Variants in NIPBL observed in about 807,000 individuals in gnomAD.
NIPBL encodes the protein nipped-B-like protein.
A neutral mutation model predicts 321.8 loss-of-function variants in NIPBL; 19 were observed. The observed-to-expected ratio is 0.06, with a 90% CI of 0.04 to 0.09. The LOEUF is 0.09. NIPBL is among the 10% of genes least tolerant of loss of function. NIPBL has a pLI of 1.00. For missense variants in NIPBL, 2,210 were observed against 3,327.0 expected (o/e 0.66, Z 8.26); for synonymous variants, 1,106 against 1,114.1 (o/e 0.99, Z 0.14).
At chr5:36,928,827 CAT>C (rs917177923) in intron 1 of NIPBL, among the ~76,000 whole-genome samples, 3 of 152,158 alleles carry the variant, frequency 2.0e-5, no homozygotes, top group African/African-American at 4.8e-5. Flanking sequence ...TCATTTATGA[CAT>C]AACGTATCAG....
chr5:36,900,690 TG>T (rs1188026383), intron 1 of NIPBL, among the ~76,000 whole-genome samples: 2 of 152,144 alleles, frequency 1.3e-5, no homozygotes, highest in South Asian at 2.1e-4. Context: ...TGTTTTGTTT[TG>T]TTTTTTTAAT....
chr5:37,009,314 A>C (rs1354967439), intron 20 of NIPBL, among the ~76,000 whole-genome samples: 1 of 152,214 alleles, frequency 6.6e-6, no homozygotes, highest in Non-Finnish European at 1.5e-5. Context: ...TTAATCACTA[A>C]GCACACTGTT....
Position 37,002,546 on chromosome 5 carries a change from T to C in NIPBL, c.3665-116T>C, listed in dbSNP as rs542386259. The stretch of plus-strand genomic sequence containing the variant: ...CTTGAGGTTTATATATAGAGGCGTC[T>C]TAGGTTATTTGTTTAGTTTGCATGT... On this transcript the variant is annotated intron_variant, in intron 14 of 46. Transcript: ENST00000282516. 5 of 724,420 alleles carry C rather than the reference T, an allele frequency of 6.9e-6. No individual in the cohort carries two copies. The African/African-American group carries it at 8.7e-5, about 13-fold the overall frequency. 44.9% of individuals were successfully genotyped at this position (724,420 alleles called of 1,614,324 possible).
At chr5:36,899,163 C>G (rs1164681237) in intron 1 of NIPBL, among the ~76,000 whole-genome samples, 1 of 151,982 alleles carries the variant, frequency 6.6e-6, no homozygotes, top group Non-Finnish European at 1.5e-5. Flanking sequence ...AGTTTTGGGT[C>G]CAGAAGCAAA....
intron 10 of NIPBL, among the ~76,000 whole-genome samples, chr5:36,987,633 C>G (rs1180515883): frequency 1.3e-5 from 2 of 151,508 alleles, no homozygotes; most frequent in Non-Finnish European, 1.5e-5. Context: ...CGTCAACATT[C>G]ATTTTTTCAC....
intron 1 of NIPBL, among the ~76,000 whole-genome samples, chr5:36,949,287 G>A (rs1404261378): frequency 5.9e-5 from 9 of 151,912 alleles, no homozygotes. Flanking sequence ...TACATTGATT[G>A]TGTATGCATA....
chr5:36,982,000 T>C (rs1744203761), intron 9 of NIPBL, among the ~76,000 whole-genome samples: 1 of 151,804 alleles, frequency 6.6e-6, no homozygotes, highest in Non-Finnish European at 1.5e-5. Flanking sequence ...GTGTTTTCAT[T>C]TATCACTTGT....
intron 42 of NIPBL, among the ~76,000 whole-genome samples, chr5:37,056,652 G>T (rs1754121102): frequency 6.6e-6 from 1 of 152,066 alleles, no homozygotes; most frequent in Non-Finnish European, 1.5e-5. Flanking sequence ...TTTAACCTAT[G>T]TATTAGTACT....
At chr5:36,908,742 G>T (rs148871246) in intron 1 of NIPBL, among the ~76,000 whole-genome samples, 1 of 151,970 alleles carries the variant, frequency 6.6e-6, no homozygotes, top group East Asian at 1.9e-4. Flanking sequence ...ATTAAATCTT[G>T]GAAAGCAAAA....
At chr5:36,922,030 G>A (rs1748987450) in intron 1 of NIPBL, among the ~76,000 whole-genome samples, 1 of 151,846 alleles carries the variant, frequency 6.6e-6, no homozygotes, top group Non-Finnish European at 1.5e-5. Context: ...GGGATTACAG[G>A]CTCCCACCAC....
chr5:37,054,334 T>G (rs894798481), intron 42 of NIPBL, among the ~76,000 whole-genome samples: 1 of 152,236 alleles, frequency 6.6e-6, no homozygotes, highest in Non-Finnish European at 1.5e-5. Flanking sequence ...ACATGAAATT[T>G]ATCATCAACA....
chr5:36,976,431 T>A, intron 9 of NIPBL, 29 bp downstream of exon 9: 1 of 1,599,060 alleles, frequency 6.3e-7, no homozygotes, highest in Non-Finnish European at 8.5e-7. Flanking sequence ...TACCACTTCA[T>A]CATCTGGGCA....
intron 21 of NIPBL, among the ~76,000 whole-genome samples, chr5:37,013,302 C>A (rs1045547670): frequency 1.3e-5 from 2 of 148,340 alleles, no homozygotes; most frequent in Non-Finnish European, 3.0e-5. Flanking sequence ...GGGGGCTGAC[C>A]CCCCCACCTC....
At chr5:36,885,884 C>T (rs1399498902) in intron 1 of NIPBL, 13 of 732,414 alleles carry the variant, frequency 1.8e-5, no homozygotes, top group Non-Finnish European at 2.8e-5. Flanking sequence ...ACAAGCCCAG[C>T]TCACCAGCTC....
intron 7 of NIPBL, among the ~76,000 whole-genome samples, chr5:36,971,552 T>C (rs1174512182): frequency 6.6e-6 from 1 of 152,174 alleles, no homozygotes; most frequent in Non-Finnish European, 1.5e-5. Flanking sequence ...TTCCACATTC[T>C]GGAAATTTGC....
At chr5:36,934,170 A>G (rs1001238939) in intron 1 of NIPBL, among the ~76,000 whole-genome samples, 4 of 152,128 alleles carry the variant, frequency 2.6e-5, no homozygotes, top group African/African-American at 9.7e-5. Context: ...TTTTTTATCT[A>G]ATACATTCTC....
At chr5:36,948,517 G>A (rs192292443) in intron 1 of NIPBL, among the ~76,000 whole-genome samples, 94 of 152,014 alleles carry the variant, frequency 6.2e-4, no homozygotes, top group African/African-American at 2.2e-3. Context: ...GTTATTATGA[G>A]AAAAGTTACC....
At chr5:37,030,718 T>A (rs1301057092) in intron 32 of NIPBL, among the ~76,000 whole-genome samples, 1 of 152,116 alleles carries the variant, frequency 6.6e-6, no homozygotes, top group Non-Finnish European at 1.5e-5. Flanking sequence ...TTCCCACATG[T>A]ACTAAACTCT....
intron 2 of NIPBL, among the ~76,000 whole-genome samples, chr5:36,954,146 C>G (rs1314352696): frequency 6.6e-6 from 1 of 151,946 alleles, no homozygotes; most frequent in South Asian, 2.1e-4. Flanking sequence ...AAAAAGCTAC[C>G]TACAATTTTA....
Sources: gnomAD v4.1 joint callset for allele counts (sites outside exome capture counted in the v4.1 genomes callset) on GRCh38, gnomAD v4.1.1 for gene constraint, MANE v1.5 for transcripts, NCBI Gene and HGNC (gene_info 2026-07-23, HGNC 2026-07-21) for gene names.